Variants in TRIM26 observed in about 807,000 individuals in gnomAD.
The protein encoded by TRIM26 is tripartite motif containing 26, also known as tripartite motif-containing protein 26.
A neutral mutation model predicts 45.5 loss-of-function variants in TRIM26; 16 were observed. The ratio of observed to expected loss-of-function variants is 0.35; its 90% CI spans 0.24 to 0.53. The LOEUF (loss-of-function observed/expected upper bound fraction) is 0.53, where lower values mean the gene tolerates loss of function less well. Ranked by LOEUF, TRIM26 falls within the 20% of genes least tolerant of loss-of-function variation. The pLI is 0.92. For missense variants in TRIM26, 442 were observed against 691.1 expected (o/e 0.64, Z 4.04); for synonymous variants, 273 against 290.4 (o/e 0.94, Z 0.61).
At position 30,195,252 on chromosome 6, in the gene TRIM26, G is replaced by A. The variant is rs148607747; in HGVS notation, c.765+1264C>T. 4.5e-3 allele frequency among the ~76,000 whole-genome samples: 682 copies of A among 152,294 alleles called. 2 individuals carry two copies. Among genetic ancestry groups the A allele is most frequent in the African/African-American group, 0.012 (479 of 41,560 alleles). ...GTAGGCATTCACACATGGCAGGGGC[G>A]TGAGGAGAGGAAGGAGAAGAGAAAC... On this transcript the variant is annotated intron_variant, in intron 6 of 9. Coordinates refer to ENST00000454678, the MANE Select transcript of TRIM26 (RefSeq NM_003449.5).
intron 6 of TRIM26, among the ~76,000 whole-genome samples, chr6:30,195,212 C>T (rs1335015714): frequency 6.6e-6 from 1 of 152,112 alleles, no homozygotes. Context: ...CAGCTGTGTG[C>T]CTCTGTTCCA....
chr6:30,211,453 G>C (rs1262211596), intron 1 of TRIM26, among the ~76,000 whole-genome samples: 4 of 152,134 alleles, frequency 2.6e-5, no homozygotes, highest in African/African-American at 9.7e-5. Flanking sequence ...CCTCAATACA[G>C]ACCATGGACT....
chr6:30,201,944 T>TAACA (rs1777218261), intron 2 of TRIM26, among the ~76,000 whole-genome samples: 1 of 152,190 alleles, frequency 6.6e-6, no homozygotes, highest in African/African-American at 2.4e-5. Flanking sequence ...TTTTCAGTTG[T>TAACA]AACATACTGC....
intron 1 of TRIM26, among the ~76,000 whole-genome samples, chr6:30,208,533 T>TC (rs1554208810): frequency 1.0e-5 from 1 of 99,284 alleles, no homozygotes; most frequent in Non-Finnish European, 2.3e-5. Flanking sequence ...TTTTTTTTTT[T>TC]CCATGTATTT....
In TRIM26 at chr6:30,190,169, A is replaced by T; in HGVS notation, c.766-134T>A. ...ATGTGGTCCCTTTTTTATGGAGCTGACATTCCAGTGGGGTCACTGCATAAA... is the reference window on the plus strand; with the variant it reads ...ATGTGGTCCCTTTTTTATGGAGCTGTCATTCCAGTGGGGTCACTGCATAAA... On this transcript the variant is annotated intron_variant, in intron 6 of 9. Transcript: ENST00000454678. The surrounding 1 kb of genome is among the most constrained non-coding windows in gnomAD (Gnocchi z 4.3). 3 of 924,474 alleles carry T rather than the reference A, an allele frequency of 3.2e-6. No individual in the cohort carries two copies. Among genetic ancestry groups the T allele is most frequent in the Non-Finnish European group, 5.1e-6 (3 of 591,944 alleles). The allele number at this position is 924,474 out of a possible 1,614,324, so 57.3% of individuals were successfully genotyped here.
In TRIM26 at chr6:30,193,134, ATATG is replaced by A. The variant is rs1445702468; in HGVS notation, c.766-3103_766-3100del. Reference sequence around the variant, plus strand: ...TATATATGTGTATATATATATACATATATGTGTGTGTGTGTGTGTGTGTGTGTGT... The same window carrying A: ...TATATATGTGTATATATATATACATATGTGTGTGTGTGTGTGTGTGTGTGT... On this transcript the variant is annotated intron_variant, in intron 6 of 9. Transcript: ENST00000454678. Among the ~76,000 whole-genome samples, 75 of 54,658 alleles carry A rather than the reference ATATG, an allele frequency of 1.4e-3. 3 individuals carry two copies. The highest frequency in any genetic ancestry group is 3.8e-3 in the South Asian group (5 of 1,312). The allele number at this position is 54,658 out of a possible 152,430, so 35.9% of individuals were successfully genotyped here.
chr6:30,186,125 C>G lies in TRIM26; in HGVS notation c.1371G>C (p.Glu457Asp). 1 of 1,590,948 alleles carries G rather than the reference C, an allele frequency of 6.3e-7. No homozygotes were observed. The highest frequency in any genetic ancestry group is 2.3e-5 in the East Asian group (1 of 43,512). Reference sequence around the variant, plus strand: ...AGAGGCGCAGCGCCCACACGCCATCCTCTGGCCGCAGGGAGAGGTCTCCCT... The same window carrying G: ...AGAGGCGCAGCGCCCACACGCCATCGTCTGGCCGCAGGGAGAGGTCTCCCT... ...KRKGDLSLRP[E>D]DGVWALRLSS... is the part of the protein sequence containing the mutation. Residue 457 changes from glutamate to aspartate, a missense_variant, in exon 10 of 10, where the codon GAG becomes GAC. Transcript: ENST00000454678. This position sits in a 1 kb window ranked among gnomAD's most constrained non-coding sequence, Gnocchi z 7.4.
chr6:30,198,031 T>G lies in TRIM26; in HGVS notation c.534+398A>C, dbSNP rs1013872058. On this transcript the variant is annotated intron_variant, in intron 5 of 9. Transcript: ENST00000454678. This position sits in a 1 kb window ranked among gnomAD's most constrained non-coding sequence, Gnocchi z 6.3. ...TCTCAGTTCTTACCCTGGAGCCAGCTCCCTCCTTCTAAACCCTCTCCACTC... is the reference window on the plus strand; with the variant it reads ...TCTCAGTTCTTACCCTGGAGCCAGCGCCCTCCTTCTAAACCCTCTCCACTC... Among the ~76,000 whole-genome samples the G allele has an allele frequency of 6.6e-6, 1 of 152,098 alleles. No homozygotes were observed. Among genetic ancestry groups the G allele is most frequent in the African/African-American group, 2.4e-5 (1 of 41,424 alleles).
chr6:30,203,016 GATCATAT>G, intron 2 of TRIM26, among the ~76,000 whole-genome samples: 1 of 150,074 alleles, frequency 6.7e-6, no homozygotes, highest in African/African-American at 2.4e-5. Context: ...CTGGGTGTTA[GATCATAT>G]TAAAAAATTA....
chr6:30,186,419 G>A lies in TRIM26; in HGVS notation c.1077C>T (p.Gly359=). Residue 359 remains glycine (G), a synonymous_variant, in exon 10 of 10, where the codon GGC becomes GGT. Coordinates refer to ENST00000454678, the MANE Select transcript of TRIM26 (RefSeq NM_003449.5). The surrounding 1 kb of genome is among the most constrained non-coding windows in gnomAD (Gnocchi z 7.4). ...CCTTGCCCCAGGTGAAGCCCTTGCT[G>A]CCTAGCACCCCAGGCTCACAGTCAA... The part of the protein sequence containing the change: ...QQFDCEPGVL[G]SKGFTWGKVY... The A allele has an allele frequency of 6.2e-7, 1 of 1,610,078 alleles. No individual in the cohort carries two copies. The highest frequency in any genetic ancestry group is 8.5e-7 in the Non-Finnish European group (1 of 1,178,278).
chr6:30,196,897 T>C lies in TRIM26; in HGVS notation c.535-151A>G. The C allele has an allele frequency of 1.4e-6, 1 of 693,284 alleles. No individual in the cohort carries two copies. The highest frequency in any genetic ancestry group is 2.4e-6 in the Non-Finnish European group (1 of 414,892). 42.9% of individuals were successfully genotyped at this position (693,284 alleles called of 1,614,324 possible). ...AGTGGGAGGAGCTACAGAGGGTTCC[T>C]GGTCCACACTCCGCTTCTCAAAGAA... On this transcript the variant is annotated intron_variant, in intron 5 of 9. Transcript: ENST00000454678. This position sits in a 1 kb window ranked among gnomAD's most constrained non-coding sequence, Gnocchi z 4.9.
Position 30,186,585 on chromosome 6 carries a change from A to C in TRIM26, c.938-27T>G. 1 of 1,498,012 alleles carries C rather than the reference A, an allele frequency of 6.7e-7. No individual in the cohort carries two copies. The highest frequency in any genetic ancestry group is 8.9e-7 in the Non-Finnish European group (1 of 1,128,082). 92.8% of individuals were successfully genotyped at this position (1,498,012 alleles called of 1,614,324 possible). A position where few individuals can be genotyped will look rare whatever the true frequency, so the allele number is the denominator to read the frequency against. On this transcript the variant is annotated intron_variant, in intron 9 of 9. Coordinates refer to ENST00000454678, the MANE Select transcript of TRIM26 (RefSeq NM_003449.5). The surrounding 1 kb of genome is among the most constrained non-coding windows in gnomAD (Gnocchi z 7.4). ...TGTGGGGACAAGGGAAAAAAAAAAAAACAGCATCACTGTTTTGTTTTGTTT... is the reference window on the plus strand; with the variant it reads ...TGTGGGGACAAGGGAAAAAAAAAAACACAGCATCACTGTTTTGTTTTGTTT...
At chr6:30,199,401 C>A in intron 3 of TRIM26, 137 bp from the exon 4 acceptor site, 1 of 374,262 alleles carries the variant, frequency 2.7e-6, no homozygotes, top group Non-Finnish European at 4.7e-6. Context: ...CTAGCCTATA[C>A]CTTGCTGTTG....
rs1273693468 is a variant in TRIM26 at position 30,203,795 on chromosome 6, TTTC to T, written c.-266+858_-266+860del. 2.5e-3 allele frequency among the ~76,000 whole-genome samples: 315 copies of T among 123,768 alleles called. 1 individual carries two copies. The highest frequency in any genetic ancestry group is 9.4e-3 in the African/African-American group (303 of 32,320). 81.2% of individuals were successfully genotyped at this position (123,768 alleles called of 152,430 possible). On this transcript the variant is annotated intron_variant, in intron 2 of 9. Coordinates refer to ENST00000454678, the MANE Select transcript of TRIM26 (RefSeq NM_003449.5). ...CTCCCACCTAATTTGAAATGGTTCC[TTTC>T]TTTTTTTTTTTTTTGAGACAGGGTC...
chr6:30,192,306 G>T (rs930211283), intron 6 of TRIM26, among the ~76,000 whole-genome samples: 1 of 152,146 alleles, frequency 6.6e-6, no homozygotes, highest in Non-Finnish European at 1.5e-5. Context: ...TTCTTCACGG[G>T]GGTGTACAGC....
intron 1 of TRIM26, among the ~76,000 whole-genome samples, chr6:30,208,515 CT>C (rs35809533): frequency 0.17 from 22,226 of 127,890 alleles, 1,570 homozygotes; most frequent in Middle Eastern, 0.21. Flanking sequence ...AATTTTTTTC[CT>C]TTTTTTTTTT....
intron 9 of TRIM26, chr6:30,188,629 T>C: frequency 4.4e-6 from 1 of 226,008 alleles, no homozygotes; most frequent in Non-Finnish European, 9.2e-6. Flanking sequence ...ACCTCCTCAA[T>C]GGTTCTCACG....
At position 30,189,063 on chromosome 6, in the gene TRIM26, G is replaced by T; in HGVS notation, c.937+104C>A. 7.6e-7 allele frequency: 1 copy of T among 1,309,530 alleles called. No individual in the cohort carries two copies. Among genetic ancestry groups the T allele is most frequent in the Non-Finnish European group, 1.1e-6 (1 of 943,186 alleles). The allele number at this position is 1,309,530 out of a possible 1,614,324, so 81.1% of individuals were successfully genotyped here. Reference sequence around the variant, plus strand: ...ATTGTGCAGCTGGGAAATTCTTCCTGTTGCAAAAGGGGCTACCTGGGGGAA... The same window carrying T: ...ATTGTGCAGCTGGGAAATTCTTCCTTTTGCAAAAGGGGCTACCTGGGGGAA... On this transcript the variant is annotated intron_variant, in intron 9 of 9. Coordinates refer to ENST00000454678, the MANE Select transcript of TRIM26 (RefSeq NM_003449.5). This position sits in a 1 kb window ranked among gnomAD's most constrained non-coding sequence, Gnocchi z 5.0.
chr6:30,194,393 T>C (rs1776249833), intron 6 of TRIM26, among the ~76,000 whole-genome samples: 1 of 152,180 alleles, frequency 6.6e-6, no homozygotes, highest in Non-Finnish European at 1.5e-5. Flanking sequence ...AATTCTAGTG[T>C]TGTGCAGCAT....
Sources: gnomAD v4.1 joint callset for allele counts (sites outside exome capture counted in the v4.1 genomes callset) on GRCh38, gnomAD v4.1.1 for gene constraint, Gnocchi (gnomAD v3.1) non-coding constraint, MANE v1.5 for transcripts, NCBI Gene and HGNC (gene_info 2026-07-23, HGNC 2026-07-21) for gene names.